XYLT1: variants seen among roughly 807,000 people sequenced by gnomAD.
XYLT1 encodes the protein xylosyltransferase 1.
Under a neutral mutation model 91.3 loss-of-function variants are expected in XYLT1, and 36 were observed. The observed-to-expected ratio is 0.39, with a 90% CI of 0.30 to 0.52. XYLT1 has a LOEUF of 0.52. Ranked by LOEUF, XYLT1 falls within the 20% of genes least tolerant of loss-of-function variation. The pLI, the probability that XYLT1 is intolerant of heterozygous loss-of-function variation, is 0.68. For missense variants in XYLT1, 1,242 were observed against 1,284.5 expected (o/e 0.97, Z 0.51); for synonymous variants, 588 against 532.0 (o/e 1.11, Z -1.45).
At chr16:17,417,992 T>C (rs373732073) in intron 1 of XYLT1, among the ~76,000 whole-genome samples, 2 of 152,276 alleles carry the variant, frequency 1.3e-5, no homozygotes, top group East Asian at 3.9e-4. Context: ...GGCACGTGCA[T>C]GAGACACCTT....
intron 5 of XYLT1, among the ~76,000 whole-genome samples, chr16:17,164,804 A>T (rs2031639801): frequency 6.6e-6 from 1 of 152,160 alleles, no homozygotes; most frequent in African/African-American, 2.4e-5. Context: ...GTGTCTGTAT[A>T]CTTCTTAAAT....
chr16:17,432,814 C>T (rs895382313), intron 1 of XYLT1, among the ~76,000 whole-genome samples: 5 of 152,016 alleles, frequency 3.3e-5, no homozygotes, highest in Admixed American at 6.6e-5. Context: ...CTAGAGGAGG[C>T]TAAAGCAAGT....
intron 3 of XYLT1, among the ~76,000 whole-genome samples, chr16:17,203,393 C>G (rs185874490): frequency 6.6e-6 from 1 of 151,478 alleles, no homozygotes; most frequent in Admixed American, 6.6e-5. Flanking sequence ...GATCGAAATC[C>G]AACCACTCAT....
At chr16:17,301,203 G>A (rs914138164) in intron 2 of XYLT1, among the ~76,000 whole-genome samples, 3 of 152,048 alleles carry the variant, frequency 2.0e-5, no homozygotes, top group African/African-American at 7.2e-5. Context: ...TTGAGGTTGG[G>A]AGTTTGAGAC....
intron 4 of XYLT1, 61 bp from the exon 5 acceptor site, chr16:17,198,475 C>CCTCA: frequency 6.6e-7 from 1 of 1,523,462 alleles, no homozygotes; most frequent in Non-Finnish European, 8.9e-7. Flanking sequence ...CAGGCATGCC[C>CCTCA]CTCACCCCTG....
intron 8 of XYLT1, among the ~76,000 whole-genome samples, chr16:17,137,020 C>T (rs2030753448): frequency 6.6e-6 from 1 of 152,138 alleles, no homozygotes; most frequent in African/African-American, 2.4e-5. Flanking sequence ...CATTCCCCTG[C>T]AACCCTCTTT....
At chr16:17,214,436 G>C (rs529395368) in intron 3 of XYLT1, among the ~76,000 whole-genome samples, 1 of 152,198 alleles carries the variant, frequency 6.6e-6, no homozygotes, top group African/African-American at 2.4e-5. Context: ...GAAGTGCCTA[G>C]TACAGAGCAG....
chr16:17,466,265 C>T (rs1390240173), intron 1 of XYLT1, among the ~76,000 whole-genome samples: 2 of 152,160 alleles, frequency 1.3e-5, no homozygotes, highest in African/African-American at 4.8e-5. Flanking sequence ...GATAGAGACT[C>T]TCAACCTCAC....
chr16:17,179,556 G>A (rs774471034), intron 5 of XYLT1, among the ~76,000 whole-genome samples: 4 of 151,986 alleles, frequency 2.6e-5, no homozygotes, highest in South Asian at 2.1e-4. Context: ...TATATGACCC[G>A]CTCACTTATC....
At chr16:17,301,870 G>T (rs2034400893) in intron 2 of XYLT1, among the ~76,000 whole-genome samples, 1 of 152,136 alleles carries the variant, frequency 6.6e-6, no homozygotes, top group African/African-American at 2.4e-5. Flanking sequence ...TTATGCTCCA[G>T]TGGTGCTTGG....
intron 2 of XYLT1, among the ~76,000 whole-genome samples, chr16:17,314,050 A>G (rs1029208136): frequency 6.6e-6 from 1 of 152,196 alleles, no homozygotes; most frequent in Non-Finnish European, 1.5e-5. Flanking sequence ...CCAAAAGAAC[A>G]TTAGAACTCA....
intron 2 of XYLT1, among the ~76,000 whole-genome samples, chr16:17,316,590 T>A (rs2141826124): frequency 6.6e-6 from 1 of 152,034 alleles, no homozygotes; most frequent in East Asian, 2.0e-4. Flanking sequence ...AGAGACAAGG[T>A]TTCACTATGT....
chr16:17,370,128 T>A (rs894659403), intron 1 of XYLT1, among the ~76,000 whole-genome samples: 6 of 152,152 alleles, frequency 3.9e-5, no homozygotes, highest in Non-Finnish European at 8.8e-5. Context: ...ATGAGCTCCT[T>A]TCATCCGTGA....
chr16:17,418,388 A>G (rs2036206824), intron 1 of XYLT1, among the ~76,000 whole-genome samples: 1 of 152,240 alleles, frequency 6.6e-6, no homozygotes, highest in South Asian at 2.1e-4. Flanking sequence ...CTTTTTAACC[A>G]TAGCCTAATG....
At chr16:17,340,176 A>G (rs965396731) in intron 2 of XYLT1, among the ~76,000 whole-genome samples, 1 of 151,652 alleles carries the variant, frequency 6.6e-6, no homozygotes, top group African/African-American at 2.4e-5. Context: ...ATATCCATCC[A>G]TCTGATTCAA....
At chr16:17,411,191 A>G (rs1398759514) in intron 1 of XYLT1, among the ~76,000 whole-genome samples, 1 of 152,230 alleles carries the variant, frequency 6.6e-6, no homozygotes, top group Non-Finnish European at 1.5e-5. Context: ...AACTTACAGA[A>G]GTCAATTTAA....
At chr16:17,458,089 G>A (rs900286566) in intron 1 of XYLT1, among the ~76,000 whole-genome samples, 14 of 152,106 alleles carry the variant, frequency 9.2e-5, no homozygotes, top group South Asian at 8.3e-4. Context: ...TTTTATGAAC[G>A]TGAGTCTGGT....
rs560766670 is a variant in XYLT1, at chr16:17,303,306, T to C, written c.403-43808A>G. On this transcript the variant is annotated intron_variant, in intron 2 of 11. Coordinates refer to ENST00000261381, the MANE Select transcript of XYLT1 (RefSeq NM_022166.4). ...TTGGTACACAACCACTCCCGTTCAT[T>C]TGCATATTATCTACAGCTACTGTAC... is the stretch of plus-strand genomic sequence containing the variant. Among the ~76,000 whole-genome samples, 9 of 152,324 alleles carry C rather than the reference T, an allele frequency of 5.9e-5. No homozygotes were observed. In the South Asian group the frequency reaches 1.9e-3, roughly 32 times the overall value.
chr16:17,210,683 T>C (rs2032740885), intron 3 of XYLT1, among the ~76,000 whole-genome samples: 1 of 152,240 alleles, frequency 6.6e-6, no homozygotes, highest in African/African-American at 2.4e-5. Flanking sequence ...GTGCTGGGAT[T>C]ACAGGTGTGA....
Sources: allele counts gnomAD v4.1 joint callset (sites outside exome capture counted in the v4.1 genomes callset), GRCh38; gene constraint gnomAD v4.1.1; transcripts MANE v1.5; gene names NCBI Gene and HGNC (gene_info 2026-07-23, HGNC 2026-07-21).